FILIP1: variants seen among roughly 807,000 people sequenced by gnomAD.
FILIP1 encodes the protein filamin A interacting protein 1.
In FILIP1, 61 loss-of-function variants were observed where a neutral mutation model predicts 102.1. The observed-to-expected ratio is 0.60, with a 90% confidence interval of 0.49 to 0.74. The LOEUF is 0.74. FILIP1 is among the 30% of genes least tolerant of loss of function. The pLI is 0.00. For synonymous variants in FILIP1, 491 were observed against 526.9 expected (o/e 0.93, Z 0.93); for missense variants, 1,314 against 1,441.2 (o/e 0.91, Z 1.43).
Position 75,353,693 on chromosome 6 carries a change from T to C in FILIP1, c.475A>G (p.Lys159Glu). 1 of 1,613,872 alleles carries C rather than the reference T, an allele frequency of 6.2e-7. No homozygotes were observed. Among genetic ancestry groups the C allele is most frequent in the Non-Finnish European group, 8.5e-7 (1 of 1,180,026 alleles). ...SELDRLEEKQ[K>E]ETYRRMLEQL... ...TCTAGCATGCGCCGGTAGGTTTCTT[T>C]CTGTTTTTCCTCAAGTCTGTCCAGC... is the stretch of plus-strand genomic sequence containing the variant. The change falls in exon 4 of 6, where the codon AAA becomes GAA. Residue 159 changes from lysine to glutamate, a missense_variant. Lys to Glu is a moderately conservative substitution (Grantham distance 56). Coordinates refer to ENST00000237172, the MANE Select transcript of FILIP1 (RefSeq NM_015687.5).
At chr6:75,320,475 G>T (rs898872487) in intron 4 of FILIP1, among the ~76,000 whole-genome samples, 4 of 152,298 alleles carry the variant, frequency 2.6e-5, no homozygotes, top group Admixed American at 2.0e-4. Context: ...TACTCAGGAG[G>T]CTGAGGTGGG....
chr6:75,363,703 C>G (rs2703711), intron 2 of FILIP1, among the ~76,000 whole-genome samples: 111,680 of 152,140 alleles, frequency 0.73, 41,432 homozygotes, highest in African/African-American at 0.85. Flanking sequence ...GTTTTGCACT[C>G]GTTAGTAGGG....
intron 2 of FILIP1, among the ~76,000 whole-genome samples, chr6:75,399,546 A>C (rs758494900): frequency 5.9e-5 from 9 of 152,226 alleles, no homozygotes; most frequent in Admixed American, 2.6e-4. Flanking sequence ...TTATTTAAAA[A>C]CAAAATATGA....
intron 2 of FILIP1, among the ~76,000 whole-genome samples, chr6:75,377,531 C>T (rs981771622): frequency 1.3e-5 from 2 of 152,172 alleles, no homozygotes; most frequent in Non-Finnish European, 2.9e-5. Context: ...TTTCTGATAC[C>T]TGATACTTCC....
exon 7 of FILIP1, chr6:75,295,162 C>T (rs1007325597): frequency 6.6e-6 from 1 of 152,032 alleles, no homozygotes; most frequent in African/African-American, 2.4e-5. Flanking sequence ...AACTGTCAGT[C>T]GAAGCTGTTC....
At chr6:75,303,118 A>G (rs1194419474), downstream of FILIP1, among the ~76,000 whole-genome samples, 4 of 152,128 alleles carry the variant, frequency 2.6e-5, no homozygotes, top group African/African-American at 7.2e-5. Context: ...AGAAGCATAG[A>G]TGGTTACCAG....
chr6:75,320,485 G>A (rs1773613120), intron 4 of FILIP1, among the ~76,000 whole-genome samples: 3 of 152,176 alleles, frequency 2.0e-5, no homozygotes, highest in East Asian at 1.9e-4. Flanking sequence ...GCTGAGGTGG[G>A]AGGATCACCT....
intron 4 of FILIP1, among the ~76,000 whole-genome samples, chr6:75,324,380 CAA>C (rs931829746): frequency 5.7e-4 from 83 of 146,792 alleles, no homozygotes; most frequent in Admixed American, 5.5e-3. Context: ...TATACCTAAC[CAA>C]GGAGATAAAA....
exon 7 of FILIP1, chr6:75,294,428 T>C (rs1433706438): frequency 6.6e-6 from 1 of 151,996 alleles, no homozygotes; most frequent in Non-Finnish European, 1.5e-5. Flanking sequence ...AACATGTCCA[T>C]ATTAACAGTC....
intron 2 of FILIP1, among the ~76,000 whole-genome samples, chr6:75,376,839 C>A (rs1252854907): frequency 6.6e-6 from 1 of 152,156 alleles, no homozygotes; most frequent in Non-Finnish European, 1.5e-5. Context: ...CTCTGGGCCT[C>A]TTGAACTACT....
chr6:75,358,415 T>C (rs997534007), intron 3 of FILIP1: 3 of 152,062 alleles, frequency 2.0e-5, no homozygotes, highest in African/African-American at 7.3e-5. Flanking sequence ...CCAGAGAAGA[T>C]AGAGACAGGA....
At chr6:75,342,560 G>T (rs1774448922) in intron 4 of FILIP1, among the ~76,000 whole-genome samples, 1 of 152,206 alleles carries the variant, frequency 6.6e-6, no homozygotes, top group Non-Finnish European at 1.5e-5. Flanking sequence ...TCAGACTTCA[G>T]TCAAGTCAGG....
At chr6:75,392,777 C>G (rs1339671354) in intron 2 of FILIP1, among the ~76,000 whole-genome samples, 1 of 152,118 alleles carries the variant, frequency 6.6e-6, no homozygotes, top group African/African-American at 2.4e-5. Flanking sequence ...GCAGGTCTTT[C>G]CCATGCTGTT....
intron 1 of FILIP1, among the ~76,000 whole-genome samples, chr6:75,434,740 G>A (rs920880526): frequency 6.6e-6 from 1 of 152,334 alleles, no homozygotes; most frequent in African/African-American, 2.4e-5. Context: ...TAGGAGTGGT[G>A]AGAGAGGGCA....
At chr6:75,358,013 G>A (rs183893229) in intron 3 of FILIP1, among the ~76,000 whole-genome samples, 46 of 152,288 alleles carry the variant, frequency 3.0e-4, no homozygotes, top group Admixed American at 1.5e-3. Context: ...TATTGCTTTG[G>A]AAATATAGAT....
chr6:75,448,141 A>T (rs1046911681), intron 1 of FILIP1, among the ~76,000 whole-genome samples: 1 of 152,106 alleles, frequency 6.6e-6, no homozygotes, highest in African/African-American at 2.4e-5. Flanking sequence ...TTGAACATTC[A>T]CATTTATTAA....
intron 1 of FILIP1, among the ~76,000 whole-genome samples, chr6:75,456,960 T>C (rs1778857763): frequency 6.6e-6 from 1 of 152,252 alleles, no homozygotes; most frequent in Admixed American, 6.5e-5. Context: ...GGAAAAATTT[T>C]ATGCTGTTCA....
chr6:75,421,266 G>A (rs570852564), intron 1 of FILIP1, among the ~76,000 whole-genome samples: 2 of 152,244 alleles, frequency 1.3e-5, no homozygotes, highest in East Asian at 3.9e-4. Context: ...TTGCAGGATG[G>A]AAAGTGGTTA....
chr6:75,455,014 T>C (rs1778777403), intron 1 of FILIP1: 2 of 150,462 alleles, frequency 1.3e-5, no homozygotes, highest in South Asian at 4.2e-4. Flanking sequence ...ACCTAGGAGG[T>C]GGGAGCATTA....
Sources: gnomAD v4.1 joint callset for allele counts (sites outside exome capture counted in the v4.1 genomes callset) on GRCh38, gnomAD v4.1.1 for gene constraint, MANE v1.5 for transcripts, NCBI Gene and HGNC (gene_info 2026-07-23, HGNC 2026-07-21) for gene names.